AGBL3: variants seen among roughly 807,000 people sequenced by gnomAD.
AGBL3 encodes the protein cytosolic carboxypeptidase 3.
Under a neutral mutation model 94.5 loss-of-function variants are expected in AGBL3, and 68 were observed. The observed-to-expected ratio is 0.72, with a 90% confidence interval of 0.59 to 0.88. The LOEUF (loss-of-function observed/expected upper bound fraction) is 0.88. Ranked by LOEUF, AGBL3 falls within the 40% of genes least tolerant of loss-of-function variation. AGBL3 has a pLI of 0.00. For missense variants in AGBL3, 934 were observed against 1,103.8 expected (o/e 0.85, Z 2.18); for synonymous variants, 354 against 370.7 (o/e 0.95, Z 0.52).
chr7:135,059,228 C>A lies in AGBL3; in HGVS notation c.1901C>A (p.Thr634Asn), dbSNP rs1370705809. The A allele has an allele frequency of 4.3e-5, 67 of 1,550,472 alleles. 1 individual carries two copies. Among genetic ancestry groups the A allele is most frequent in the Non-Finnish European group, 5.4e-5 (62 of 1,146,212 alleles). The part of the protein sequence containing the change: ...IDSLTYLLKL[T>N]SQKKHLKTKK... ...TCTCTGACTTACCTTCTCAAGTTAA[C>A]TTCTCAGGTATGACTGAACATTTTT... Residue 634 changes from threonine to asparagine, a missense_variant, in exon 12 of 17, where the codon ACT (threonine) becomes AAT (asparagine). Thr to Asn is a moderately conservative substitution (Grantham distance 65, BLOSUM62 0). Around this residue, in one of 3 missense-constraint regions of AGBL3, gnomAD observed 441 missense variants for 518.2 expected, o/e 0.85. Coordinates refer to ENST00000436302, the MANE Select transcript of AGBL3 (RefSeq NM_178563.4).
At chr7:135,102,856 C>G (rs1824060909) in intron 15 of AGBL3, among the ~76,000 whole-genome samples, 2 of 152,006 alleles carry the variant, frequency 1.3e-5, no homozygotes, top group Non-Finnish European at 2.9e-5. Context: ...TCTTTATGGT[C>G]TTGGAATAAG....
At chr7:135,080,958 A>ACT (rs1306313974) in intron 14 of AGBL3, among the ~76,000 whole-genome samples, 2 of 150,512 alleles carry the variant, frequency 1.3e-5, no homozygotes. Flanking sequence ...ACACACACAC[A>ACT]CTCATATATC....
intron 16 of AGBL3, among the ~76,000 whole-genome samples, chr7:135,122,400 C>A (rs1240708385): frequency 6.6e-6 from 1 of 152,218 alleles, no homozygotes; most frequent in Non-Finnish European, 1.5e-5. Context: ...TGGGCCTGAG[C>A]CCCTAGCGGG....
At chr7:135,078,278 G>A (rs1311553424) in intron 13 of AGBL3, among the ~76,000 whole-genome samples, 4 of 152,216 alleles carry the variant, frequency 2.6e-5, no homozygotes, top group Non-Finnish European at 4.4e-5. Flanking sequence ...ACCTAAGTCT[G>A]TACCCCTGAG....
chr7:135,122,570 C>T (rs1827285694), intron 16 of AGBL3, among the ~76,000 whole-genome samples: 1 of 152,192 alleles, frequency 6.6e-6, no homozygotes, highest in South Asian at 2.1e-4. Flanking sequence ...TTCCCCCTGC[C>T]ACCCAACTGG....
At chr7:135,088,384 T>C (rs1821501477) in intron 15 of AGBL3, among the ~76,000 whole-genome samples, 1 of 152,150 alleles carries the variant, frequency 6.6e-6, no homozygotes, top group African/African-American at 2.4e-5. Flanking sequence ...ATCCTTTCCT[T>C]CTCTCTTATT....
chr7:135,002,669 CTTTGGATATACAGGG>C (rs1285078756), intron 4 of AGBL3, among the ~76,000 whole-genome samples: 2 of 152,164 alleles, frequency 1.3e-5, no homozygotes, highest in East Asian at 3.9e-4. Context: ...CCAAATCTTT[CTTTGGATATACAGGG>C]TTTGGACAAC....
At position 135,059,221 on chromosome 7, in the gene AGBL3, A is replaced by G; in HGVS notation, c.1894A>G (p.Lys632Glu). 1 of 1,550,850 alleles carries G rather than the reference A, an allele frequency of 6.4e-7. No individual in the cohort carries two copies. Among genetic ancestry groups the G allele is most frequent in the Non-Finnish European group, 8.7e-7 (1 of 1,146,456 alleles). Reference protein sequence around the residue: ...ESIDSLTYLLKLTSQKKHLKT... With the variant: ...ESIDSLTYLLELTSQKKHLKT... ...CATTGACTCTCTGACTTACCTTCTC[A>G]AGTTAACTTCTCAGGTATGACTGAA... Residue 632 changes from lysine to glutamate, a missense_variant, in exon 12 of 17, where the codon AAG becomes GAG. By Grantham distance (56) the Lys-to-Glu change is moderately conservative. Around this residue, in one of 3 missense-constraint regions of AGBL3, gnomAD observed 441 missense variants for 518.2 expected, o/e 0.85. Transcript: ENST00000436302.
intron 15 of AGBL3, chr7:135,093,560 C>T (rs1822186646): frequency 6.6e-6 from 1 of 151,978 alleles, no homozygotes; most frequent in Admixed American, 6.6e-5. Context: ...AAAAGAAGTA[C>T]AAGACTTATA....
rs1365079512 is a variant in AGBL3 at position 135,017,177 on chromosome 7, CAT to C, written c.418+19_418+20del. 14 of 1,449,510 alleles carry C rather than the reference CAT, an allele frequency of 9.7e-6. No homozygotes were observed. Among genetic ancestry groups the C allele is most frequent in the Non-Finnish European group, 1.2e-5 (13 of 1,053,512 alleles). The allele number at this position is 1,449,510 out of a possible 1,614,324, so 89.8% of individuals were successfully genotyped here. A position where few individuals can be genotyped will look rare whatever the true frequency, so the allele number is the denominator to read the frequency against. On this transcript the variant is annotated intron_variant, in intron 5 of 16. Transcript: ENST00000436302. ...TGAAGATGGTGAGCACATAATGACA[CAT>C]GTTGCTGTAAAATATAATTTGGTAC...
intron 5 of AGBL3, among the ~76,000 whole-genome samples, chr7:135,022,722 T>C (rs1315127206): frequency 2.6e-5 from 4 of 152,186 alleles, no homozygotes; most frequent in Non-Finnish European, 4.4e-5. Context: ...CATTTCATTA[T>C]AAAATCTTTG....
intron 13 of AGBL3, 68 bp downstream of exon 13, chr7:135,076,536 C>A: frequency 8.1e-7 from 1 of 1,234,434 alleles, no homozygotes; most frequent in Non-Finnish European, 1.1e-6. Flanking sequence ...AAGTTATTTT[C>A]TCTTATACTT....
intron 1 of AGBL3, among the ~76,000 whole-genome samples, chr7:134,987,169 T>A (rs974622376): frequency 6.6e-6 from 1 of 152,222 alleles, no homozygotes; most frequent in Non-Finnish European, 1.5e-5. Context: ...ACTTAACTTA[T>A]ATGTAGTCCA....
chr7:135,079,635 T>TA (rs939930195), intron 13 of AGBL3, among the ~76,000 whole-genome samples: 3 of 150,516 alleles, frequency 2.0e-5, no homozygotes, highest in African/African-American at 7.3e-5. Flanking sequence ...CCCACTAATT[T>TA]TTTTTTTTTT....
intron 4 of AGBL3, among the ~76,000 whole-genome samples, chr7:134,994,322 C>G (rs1563163551): frequency 1.3e-5 from 2 of 151,814 alleles, no homozygotes; most frequent in African/African-American, 4.8e-5. Context: ...TGTCTTTTTC[C>G]CACTCTCTGC....
At chr7:135,067,245 G>A (rs564003442) in intron 12 of AGBL3, among the ~76,000 whole-genome samples, 27 of 152,288 alleles carry the variant, frequency 1.8e-4, no homozygotes, top group African/African-American at 5.8e-4. Flanking sequence ...CAGGAAGCTC[G>A]AACTGGGTTG....
intron 15 of AGBL3, among the ~76,000 whole-genome samples, chr7:135,114,393 C>T (rs1207281051): frequency 1.3e-5 from 2 of 152,072 alleles, no homozygotes; most frequent in African/African-American, 4.8e-5. Flanking sequence ...TAGCAGCCAT[C>T]CTAATATGGG....
At chr7:135,100,814 T>C (rs1823722116) in intron 15 of AGBL3, among the ~76,000 whole-genome samples, 1 of 152,240 alleles carries the variant, frequency 6.6e-6, no homozygotes, top group Non-Finnish European at 1.5e-5. Context: ...TTAGAAGATG[T>C]GAATGCTACA....
intron 16 of AGBL3, among the ~76,000 whole-genome samples, chr7:135,124,232 A>AAC (rs1427018818): frequency 1.3e-5 from 2 of 151,978 alleles, no homozygotes; most frequent in Non-Finnish European, 2.9e-5. Flanking sequence ...AAAAAAAAAA[A>AAC]AGTAGGGGTT....
Sources: allele counts gnomAD v4.1 joint callset (sites outside exome capture counted in the v4.1 genomes callset), GRCh38; gene constraint gnomAD v4.1.1; regional missense constraint gnomAD v4.1.1; transcripts MANE v1.5; gene names NCBI Gene and HGNC (gene_info 2026-07-23, HGNC 2026-07-21).